MGAM: variants seen among roughly 807,000 people sequenced by gnomAD.
The protein encoded by MGAM is maltase-glucoamylase.
In MGAM, 253 loss-of-function variants were observed where a neutral mutation model predicts 358.8. The ratio of observed to expected loss-of-function variants is 0.71; its 90% confidence interval spans 0.64 to 0.78. The LOEUF (loss-of-function observed/expected upper bound fraction) is 0.78. MGAM is among the 30% of genes least tolerant of loss of function. The probability of loss-of-function intolerance (pLI) is 0.00; values close to 1 mark genes in which losing one functional copy is unlikely to be tolerated. For synonymous variants in MGAM, 1,105 were observed against 1,227.1 expected (o/e 0.90, Z 2.08); for missense variants, 3,080 against 3,432.6 (o/e 0.90, Z 2.57).
chr7:142,061,144 CG>C (rs1211616115), intron 34 of MGAM, among the ~76,000 whole-genome samples: 1 of 152,124 alleles, frequency 6.6e-6, no homozygotes, highest in Non-Finnish European at 1.5e-5. Context: ...CCTTGGAGAA[CG>C]GCAGAACATT....
At chr7:142,037,683 T>C (rs935625694) in intron 18 of MGAM, among the ~76,000 whole-genome samples, 6 of 152,192 alleles carry the variant, frequency 3.9e-5, no homozygotes, top group African/African-American at 1.2e-4. Flanking sequence ...TTATCTGATA[T>C]TTTGTATGAT....
rs868980729 is a variant in MGAM, at chr7:142,037,613, C to T, written c.2231+636C>T. ...CATTATTTTGGGAAGTTTTTGTCTGCTCATGAAATTTCTTGTTAAAAGGCA... is the reference window on the plus strand; with the variant it reads ...CATTATTTTGGGAAGTTTTTGTCTGTTCATGAAATTTCTTGTTAAAAGGCA... On this transcript the variant is annotated intron_variant, in intron 18 of 70. Transcript: ENST00000475668. Among the ~76,000 whole-genome samples, 7 of 152,116 alleles carry T rather than the reference C, an allele frequency of 4.6e-5. No individual in the cohort carries two copies. In the South Asian group the frequency reaches 1.5e-3, roughly 32 times the overall value.
intron 35 of MGAM, among the ~76,000 whole-genome samples, chr7:142,063,224 A>T (rs536361529): frequency 3.9e-4 from 59 of 151,794 alleles, no homozygotes; most frequent in African/African-American, 1.4e-3. Context: ...ACCAAAAAAA[A>T]AACCTGGGAG....
At chr7:142,050,559 A>G in intron 23 of MGAM, 138 bp from the exon 24 acceptor site, 1 of 966,876 alleles carries the variant, frequency 1.0e-6, no homozygotes, top group South Asian at 1.5e-5. Context: ...GTACTTCTTC[A>G]GCACACACTA....
intron 3 of MGAM, among the ~76,000 whole-genome samples, chr7:142,013,834 G>C (rs1303236507): frequency 6.6e-6 from 1 of 152,130 alleles, no homozygotes; most frequent in African/African-American, 2.4e-5. Flanking sequence ...CTGTTTTCCT[G>C]TAACAGTAGG....
intron 3 of MGAM, among the ~76,000 whole-genome samples, chr7:142,018,494 C>T (rs572912988): frequency 1.3e-5 from 2 of 152,216 alleles, no homozygotes; most frequent in Non-Finnish European, 2.9e-5. Context: ...TCACTTGATT[C>T]AGCATGCACT....
In MGAM at chr7:142,094,250, C is replaced by G. The variant is rs374301071; in HGVS notation, c.7173-114C>G. 3.6e-4 allele frequency: 454 copies of G among 1,263,154 alleles called. 47 individuals are homozygous for G. The South Asian group carries it at 5.6e-3, about 16-fold the overall frequency. 78.2% of individuals were successfully genotyped at this position (1,263,154 alleles called of 1,614,324 possible). On this transcript the variant is annotated intron_variant, in intron 60 of 70. Transcript: ENST00000475668. ...CCATTACAGCTCAGAGTCCCGTGTT[C>G]CCTCCAATCACGCAGCAAACATTGA... is the stretch of plus-strand genomic sequence containing the variant.
chr7:142,094,977 T>C, intron 63 of MGAM, 114 bp downstream of exon 63: 1 of 1,084,536 alleles, frequency 9.2e-7, no homozygotes, highest in Non-Finnish European at 1.3e-6. Flanking sequence ...TTTTTTTTTT[T>C]CTTTTGAGAC....
intron 57 of MGAM, among the ~76,000 whole-genome samples, chr7:142,090,456 C>T (rs1815273621): frequency 6.9e-6 from 1 of 145,868 alleles, no homozygotes; most frequent in Non-Finnish European, 1.6e-5. Flanking sequence ...CCTCCATTTC[C>T]TAACAAAAGG....
At chr7:141,987,021 G>T (rs1228952353) in intron 2 of MGAM, among the ~76,000 whole-genome samples, 1 of 152,144 alleles carries the variant, frequency 6.6e-6, no homozygotes, top group Admixed American at 6.5e-5. Flanking sequence ...GACATTTTTG[G>T]TGGAGATATT....
At chr7:142,052,219 C>G in intron 24 of MGAM, 75 bp from the exon 25 acceptor site, 2 of 1,241,972 alleles carry the variant, frequency 1.6e-6, no homozygotes, top group Non-Finnish European at 1.1e-6. Context: ...TTTTTTTTAT[C>G]GAAAAAAAAA....
At chr7:142,084,134 A>G (rs1437472959) in intron 53 of MGAM, among the ~76,000 whole-genome samples, 1 of 146,176 alleles carries the variant, frequency 6.8e-6, no homozygotes, top group South Asian at 2.2e-4. Flanking sequence ...GGGAGATGCT[A>G]TTATTATACC....
chr7:142,064,238 C>T (rs909387189), intron 36 of MGAM, 146 bp from the exon 37 acceptor site: 26 of 1,203,892 alleles, frequency 2.2e-5, no homozygotes, highest in African/African-American at 9.0e-5. Flanking sequence ...GAGCTGGGGG[C>T]GCTGTGCTCA....
At chr7:142,018,310 C>T (rs1806131468) in intron 3 of MGAM, among the ~76,000 whole-genome samples, 2 of 152,168 alleles carry the variant, frequency 1.3e-5, no homozygotes, top group South Asian at 4.1e-4. Flanking sequence ...TGGAGACCTC[C>T]CTCAGTTCCT....
intron 1 of MGAM, among the ~76,000 whole-genome samples, chr7:142,005,181 A>G (rs1208430596): frequency 6.6e-6 from 1 of 151,732 alleles, no homozygotes; most frequent in Non-Finnish European, 1.5e-5. Flanking sequence ...AAATTTTAAA[A>G]TTCACTAGAT....
At chr7:142,059,667 T>C (rs1811912061) in intron 32 of MGAM, 67 bp downstream of exon 32, 1 of 1,598,388 alleles carries the variant, frequency 6.3e-7, no homozygotes, top group Admixed American at 1.7e-5. Context: ...GAGTCAGAGT[T>C]ATACTTTATT....
Position 142,091,714 on chromosome 7 carries a change from C to A in MGAM, c.6811-199C>A, listed in dbSNP as rs1406163385. ...ACAGTTTTTGGATGTTTTCCAAATG[C>A]CGGGAAGGTGTGCAAATTGCACTAA... On this transcript the variant is annotated intron_variant, in intron 57 of 70. Coordinates refer to ENST00000475668, the MANE Select transcript of MGAM (RefSeq NM_001365693.1). Among the ~76,000 whole-genome samples, 7 of 146,026 alleles carry A rather than the reference C, an allele frequency of 4.8e-5. 1 individual carries two copies. In the East Asian group the frequency reaches 1.4e-3, roughly 29 times the overall value.
In MGAM at chr7:142,078,844, G is replaced by C. The variant is rs760119394; in HGVS notation, c.5683G>C (p.Val1895Leu). ...TTCTGGAGTCCCTTTTTGCTATTTTGTCAACGACCTATACTCTGTCAGTGA... is the reference window on the plus strand; with the variant it reads ...TTCTGGAGTCCCTTTTTGCTATTTTCTCAACGACCTATACTCTGTCAGTGA... ...NSSGVPFCYF[V>L]NDLYSVSDVQ... The change falls in exon 49 of 71, where the codon GTC becomes CTC. Residue 1895 changes from valine to leucine, a missense_variant. Around this residue, in one of 5 missense-constraint regions of MGAM, gnomAD observed 932 missense variants for 1,198.2 expected, o/e 0.78. Transcript: ENST00000475668. 1 of 1,551,858 alleles carries C rather than the reference G, an allele frequency of 6.4e-7. No individual in the cohort carries two copies. Among genetic ancestry groups the C allele is most frequent in the Non-Finnish European group, 8.8e-7 (1 of 1,130,338 alleles).
At chr7:142,059,325 C>T in intron 31 of MGAM, 147 bp from the exon 32 acceptor site, 2 of 1,375,990 alleles carry the variant, frequency 1.5e-6, no homozygotes, top group Non-Finnish European at 1.9e-6. Flanking sequence ...TTTCCCAGCA[C>T]CTGTACCTAA....
Sources: allele counts gnomAD v4.1 joint callset (sites outside exome capture counted in the v4.1 genomes callset), GRCh38; gene constraint gnomAD v4.1.1; regional missense constraint gnomAD v4.1.1; transcripts MANE v1.5; gene names NCBI Gene and HGNC (gene_info 2026-07-23, HGNC 2026-07-21).